The following DPF3 variants were observed in gnomAD, a reference collection of about 807,000 sequenced individuals.
DPF3 encodes the protein double PHD fingers 3.
A neutral mutation model predicts 56.8 loss-of-function variants in DPF3; 18 were observed. The observed-to-expected ratio is 0.32, with a 90% CI of 0.22 to 0.47. DPF3 has a LOEUF of 0.47. DPF3 is among the 20% of genes least tolerant of loss of function. The probability of loss-of-function intolerance (pLI) is 1.00; values close to 1 mark genes in which losing one functional copy is unlikely to be tolerated. For synonymous variants in DPF3, 188 were observed against 180.2 expected (o/e 1.04, Z -0.35); for missense variants, 403 against 488.8 (o/e 0.82, Z 1.65).
intron 8 of DPF3, among the ~76,000 whole-genome samples, chr14:72,647,389 A>T (rs973400106): frequency 6.6e-6 from 1 of 152,216 alleles, no homozygotes; most frequent in African/African-American, 2.4e-5. Context: ...ATCCAGGCAC[A>T]AGCTGTCTTC....
chr14:72,620,060 A>G (rs1884329122), intron 9 of DPF3, 76 bp from the exon 10 acceptor site: 1 of 1,415,442 alleles, frequency 7.1e-7, no homozygotes, highest in East Asian at 2.6e-5. Flanking sequence ...CCGCTTACCC[A>G]TCAGCCTTAT....
chr14:72,743,670 C>T (rs1183700433), intron 3 of DPF3, among the ~76,000 whole-genome samples: 1 of 151,836 alleles, frequency 6.6e-6, no homozygotes, highest in East Asian at 1.9e-4. Context: ...AATCAGCTGG[C>T]TTTTGCCCAA....
chr14:72,670,542 A>G (rs1388533788), intron 8 of DPF3: 11 of 949,542 alleles, frequency 1.2e-5, no homozygotes, highest in Non-Finnish European at 1.2e-5. Context: ...TCCGTGGGGC[A>G]CAGAATAGTG....
chr14:72,710,364 T>C (rs573936832), intron 6 of DPF3, among the ~76,000 whole-genome samples: 77 of 152,350 alleles, frequency 5.1e-4, no homozygotes, highest in African/African-American at 1.6e-3. Flanking sequence ...ATGGAAAGAA[T>C]AGATTCTAAG....
chr14:72,884,774 C>T (rs1344884991), intron 1 of DPF3, among the ~76,000 whole-genome samples: 1 of 150,900 alleles, frequency 6.6e-6, no homozygotes, highest in Non-Finnish European at 1.5e-5. Context: ...CAAACCCTGA[C>T]CCCCACGAGG....
At position 72,804,240 on chromosome 14, in the gene DPF3, C is replaced by T. The variant is rs74060839; in HGVS notation, c.33-32347G>A. 7.2e-3 allele frequency among the ~76,000 whole-genome samples: 1,087 copies of T among 151,446 alleles called. 18 individuals carry two copies. Among genetic ancestry groups the T allele is most frequent in the African/African-American group, 0.024 (978 of 41,164 alleles). On this transcript the variant is annotated intron_variant, in intron 1 of 10. Coordinates refer to ENST00000556509, the MANE Select transcript of DPF3 (RefSeq NM_001280542.3). ...ACACACACACGCAGACAAAGATTCC[C>T]CCCTTCCAGATCCACACTGCGTGCC...
chr14:72,799,969 G>A (rs753359226), intron 1 of DPF3, among the ~76,000 whole-genome samples: 2 of 152,144 alleles, frequency 1.3e-5, no homozygotes, highest in African/African-American at 2.4e-5. Flanking sequence ...ATACACTCAC[G>A]AGCTGTTAGT....
chr14:72,879,435 C>T (rs1241425677), intron 1 of DPF3, among the ~76,000 whole-genome samples: 3 of 151,908 alleles, frequency 2.0e-5, no homozygotes, highest in South Asian at 2.1e-4. Flanking sequence ...CTGCCTTCCA[C>T]GCCCTTACTG....
At chr14:72,660,939 T>G in intron 8 of DPF3, 1 of 485,276 alleles carries the variant, frequency 2.1e-6, no homozygotes, top group Non-Finnish European at 2.7e-6. Flanking sequence ...AATCTTGGCA[T>G]GGAAGTGGGA....
At chr14:72,892,974 AG>A (rs1482184455) in intron 1 of DPF3, among the ~76,000 whole-genome samples, 1 of 127,382 alleles carries the variant, frequency 7.9e-6, no homozygotes, top group African/African-American at 2.9e-5. Context: ...GAAGGAAGGA[AG>A]GAAGGAAGGA....
At chr14:72,771,154 A>C (rs1371689030) in intron 2 of DPF3, among the ~76,000 whole-genome samples, 3 of 142,584 alleles carry the variant, frequency 2.1e-5, no homozygotes, top group Non-Finnish European at 3.1e-5. Flanking sequence ...GCAACACAGC[A>C]AGAGTCCATC....
At chr14:72,656,220 CCA>C in intron 8 of DPF3, among the ~76,000 whole-genome samples, 1 of 152,142 alleles carries the variant, frequency 6.6e-6, no homozygotes, top group Non-Finnish European at 1.5e-5. Context: ...TTTGGATTTC[CCA>C]CAGTCTTTTT....
chr14:72,686,627 A>T lies in DPF3; in HGVS notation c.742+6449T>A, dbSNP rs554811281. The stretch of plus-strand genomic sequence containing the variant: ...CCCCTGCAAGGACCAGAGCAACTCT[A>T]TGGATTCTTTGCTATATAATCTGAA... On this transcript the variant is annotated intron_variant, in intron 7 of 10. Coordinates refer to ENST00000556509, the MANE Select transcript of DPF3 (RefSeq NM_001280542.3). 2.0e-5 allele frequency among the ~76,000 whole-genome samples: 3 copies of T among 152,346 alleles called. No individual in the cohort carries two copies. The East Asian group carries it at 5.8e-4, about 29-fold the overall frequency.
At chr14:72,891,828 G>T (rs1483387317) in intron 1 of DPF3, among the ~76,000 whole-genome samples, 1 of 152,108 alleles carries the variant, frequency 6.6e-6, no homozygotes, top group Non-Finnish European at 1.5e-5. Context: ...CAGGGGCGTT[G>T]TGTGTATGCT....
At position 72,824,915 on chromosome 14, in the gene DPF3, T is replaced by C. The variant is rs374153250; in HGVS notation, c.33-53022A>G. Among the ~76,000 whole-genome samples, 13 of 150,870 alleles carry C rather than the reference T, an allele frequency of 8.6e-5. No individual in the cohort carries two copies. In the East Asian group the frequency reaches 2.4e-3, roughly 27 times the overall value. On this transcript the variant is annotated intron_variant, in intron 1 of 10. Coordinates refer to ENST00000556509, the MANE Select transcript of DPF3 (RefSeq NM_001280542.3). ...TTTTTTTTTATTTTTTGAGATGGAG[T>C]CTCACTCTGTTGCCCAGGTTGGAGT...
chr14:72,617,263 G>T lies in DPF3; in HGVS notation c.*2034C>A, dbSNP rs1884144765. Among the ~76,000 whole-genome samples, 1 of 152,202 alleles carries T rather than the reference G, an allele frequency of 6.6e-6. No homozygotes were observed. The highest frequency in any genetic ancestry group is 1.5e-5 in the Non-Finnish European group (1 of 68,034). On this transcript the variant is annotated 3_prime_UTR_variant, in exon 11 of 11. Transcript: ENST00000556509. Reference sequence around the variant, plus strand: ...CTTTTTAAACTTTTAAGCTATTGTGGCACTTGGGAACATTTGGGGAACTTT... The same window carrying T: ...CTTTTTAAACTTTTAAGCTATTGTGTCACTTGGGAACATTTGGGGAACTTT...
At chr14:72,860,102 A>T (rs1035099) in intron 1 of DPF3, among the ~76,000 whole-genome samples, 122,438 of 152,216 alleles carry the variant, frequency 0.8, 49,910 homozygotes, top group African/African-American at 0.93. Flanking sequence ...TTACAAGCTT[A>T]GCTGCGATGT....
In DPF3 at chr14:72,695,241, T is replaced by C. The variant is rs370567595; in HGVS notation, c.605-2028A>G. 8.5e-4 allele frequency among the ~76,000 whole-genome samples: 130 copies of C among 152,348 alleles called. 1 individual carries two copies. In the Middle Eastern group the frequency reaches 0.01, roughly 12 times the overall value. On this transcript the variant is annotated intron_variant, in intron 6 of 10. Transcript: ENST00000556509. ...TCTTGCAGGATGGGTAAAGGTATTA[T>C]AAATAGCATTTGCAAGCAGCTCTCT...
At chr14:72,665,540 A>G (rs1271515505) in intron 8 of DPF3, among the ~76,000 whole-genome samples, 1 of 152,254 alleles carries the variant, frequency 6.6e-6, no homozygotes, top group African/African-American at 2.4e-5. Context: ...ACCAAAATGC[A>G]CAACTTCAGT....
Sources: gnomAD v4.1 joint callset for allele counts (sites outside exome capture counted in the v4.1 genomes callset) on GRCh38, gnomAD v4.1.1 for gene constraint, MANE v1.5 for transcripts, NCBI Gene and HGNC (gene_info 2026-07-23, HGNC 2026-07-21) for gene names.